Variants in ANAPC1 observed in about 807,000 individuals in gnomAD.
ANAPC1 encodes the protein anaphase-promoting complex subunit 1.
Under a neutral mutation model 208.0 loss-of-function variants are expected in ANAPC1, and 36 were observed. The ratio of observed to expected loss-of-function variants is 0.17; its 90% CI spans 0.13 to 0.23. ANAPC1 has a LOEUF of 0.23. ANAPC1 is among the 10% of genes least tolerant of loss of function. ANAPC1 has a pLI of 1.00. For synonymous variants in ANAPC1, 378 were observed against 695.2 expected (o/e 0.54, Z 7.18); for missense variants, 942 against 2,011.6 (o/e 0.47, Z 10.17).
At chr2:111,882,600 T>C (rs1440130821) in intron 1 of ANAPC1, among the ~76,000 whole-genome samples, 1 of 149,436 alleles carries the variant, frequency 6.7e-6, no homozygotes, top group Non-Finnish European at 1.5e-5. Context: ...TACTCAGGCA[T>C]GGTGTGGGCG....
At chr2:111,865,802 CA>C (rs1318711731) in intron 7 of ANAPC1, 1 of 170,698 alleles carries the variant, frequency 5.9e-6, no homozygotes, top group Non-Finnish European at 1.3e-5. Flanking sequence ...TCCAAGATGA[CA>C]AAGAAAAGAA....
At chr2:111,821,883 T>G (rs1227384642) in intron 25 of ANAPC1, 3 of 234,294 alleles carry the variant, frequency 1.3e-5, no homozygotes, top group Non-Finnish European at 2.5e-5. Flanking sequence ...TCGGGAGGGA[T>G]AGCTTAAGAC....
At chr2:111,773,702 A>G (rs1676864335) in intron 46 of ANAPC1, among the ~76,000 whole-genome samples, 1 of 151,836 alleles carries the variant, frequency 6.6e-6, no homozygotes, top group Admixed American at 6.6e-5. Flanking sequence ...GAATGAGAGG[A>G]AAAGGTTCTA....
intron 18 of ANAPC1, among the ~76,000 whole-genome samples, chr2:111,836,419 C>T (rs1026277191): frequency 1.3e-5 from 2 of 150,768 alleles, no homozygotes; most frequent in Non-Finnish European, 3.0e-5. Flanking sequence ...GGCAGGAGGA[C>T]TGCTTGAGCC....
intron 11 of ANAPC1, chr2:111,857,151 CTACATA>C (rs1681775138): frequency 2.5e-6 from 1 of 407,058 alleles, no homozygotes; most frequent in Non-Finnish European, 4.5e-6. Context: ...TTACACACAT[CTACATA>C]TGTGAAAAAA....
At chr2:111,859,459 G>A (rs6738062) in intron 10 of ANAPC1, among the ~76,000 whole-genome samples, 88,341 of 151,550 alleles carry the variant, frequency 0.58, 26,626 homozygotes, top group South Asian at 0.69. Context: ...CAACAAGAGC[G>A]AAACTCTATC....
chr2:111,835,935 A>C (rs1680442697), intron 18 of ANAPC1, among the ~76,000 whole-genome samples: 1 of 152,224 alleles, frequency 6.6e-6, no homozygotes, highest in Admixed American at 6.5e-5. Flanking sequence ...CCACATTCTA[A>C]GGGAAAATAT....
At chr2:111,878,758 T>A in intron 3 of ANAPC1, 52 bp downstream of exon 3, 1 of 1,600,514 alleles carries the variant, frequency 6.2e-7, no homozygotes, top group Non-Finnish European at 8.5e-7. Context: ...ACAAAACTTT[T>A]TTTTAATTGC....
intron 29 of ANAPC1, among the ~76,000 whole-genome samples, chr2:111,806,588 CAT>C (rs1265261291): frequency 2.2e-5 from 2 of 92,300 alleles, no homozygotes; most frequent in South Asian, 4.9e-4. Flanking sequence ...CCACACATCA[CAT>C]GTGGTGAAAC....
rs1414436565 is a variant in ANAPC1, at chr2:111,797,767, A to G, written c.4297-2873T>C. ...TGCATTTGTAACAAAAAACAGCTACAGACAATAAGTAAACAAATGGGCATG... is the reference window on the plus strand; with the variant it reads ...TGCATTTGTAACAAAAAACAGCTACGGACAATAAGTAAACAAATGGGCATG... On this transcript the variant is annotated intron_variant, in intron 34 of 47. Coordinates refer to ENST00000341068, the MANE Select transcript of ANAPC1 (RefSeq NM_022662.4). Among the ~76,000 whole-genome samples the G allele has an allele frequency of 3.0e-5, 4 of 132,438 alleles. No individual in the cohort carries two copies. The East Asian group carries it at 9.0e-4, about 30-fold the overall frequency. 86.9% of individuals were successfully genotyped at this position (132,438 alleles called of 152,430 possible).
chr2:111,794,422 T>C, intron 35 of ANAPC1, 99 bp from the exon 36 acceptor site: 6 of 784,636 alleles, frequency 7.6e-6, no homozygotes, highest in Non-Finnish European at 5.9e-6. Context: ...AGCTAGTTTA[T>C]ATCTTTCTGG....
At chr2:111,814,878 TTTGGCATGC>T (rs1484290392) in intron 28 of ANAPC1, among the ~76,000 whole-genome samples, 1 of 151,264 alleles carries the variant, frequency 6.6e-6, no homozygotes, top group African/African-American at 2.4e-5. Context: ...CTCATTCCTG[TTTGGCATGC>T]TCTCTCCTGA....
chr2:111,773,701 G>A (rs1327195569), intron 46 of ANAPC1, among the ~76,000 whole-genome samples: 2 of 151,866 alleles, frequency 1.3e-5, no homozygotes, highest in Non-Finnish European at 2.9e-5. Context: ...AGAATGAGAG[G>A]AAAAGGTTCT....
At chr2:111,836,536 T>C (rs1231349075) in intron 18 of ANAPC1, among the ~76,000 whole-genome samples, 2 of 151,268 alleles carry the variant, frequency 1.3e-5, no homozygotes, top group Non-Finnish European at 2.9e-5. Context: ...TAGTCCTAGC[T>C]ACTTGGAGGC....
At chr2:111,834,554 A>T (rs1409907395) in intron 19 of ANAPC1, 50 bp downstream of exon 19, 2 of 1,001,886 alleles carry the variant, frequency 2.0e-6, no homozygotes, top group East Asian at 2.9e-5. Context: ...TATGGAAAAG[A>T]CAGTCATCTC....
chr2:111,769,805 C>A (rs1249839411), intron 47 of ANAPC1, among the ~76,000 whole-genome samples: 1 of 146,182 alleles, frequency 6.8e-6, no homozygotes, highest in South Asian at 2.2e-4. Context: ...CTCAGCCCCC[C>A]GAGTAGCTGG....
In ANAPC1 at chr2:111,873,511, T is replaced by A. The variant is rs996397240; in HGVS notation, c.427+102A>T. ...ATGCACAATATAAAGATGCTTATGG[T>A]AAACCACTATTACTAGTGGCTACTT... On this transcript the variant is annotated intron_variant, in intron 4 of 47. Transcript: ENST00000341068. The A allele has an allele frequency of 3.4e-5, 50 of 1,482,468 alleles. No individual in the cohort carries two copies. The African/African-American group carries it at 6.5e-4, about 19-fold the overall frequency. 91.8% of individuals were successfully genotyped at this position (1,482,468 alleles called of 1,614,324 possible).
At chr2:111,847,003 C>G in intron 16 of ANAPC1, 135 bp downstream of exon 16, 1 of 682,406 alleles carries the variant, frequency 1.5e-6, no homozygotes, top group Non-Finnish European at 2.5e-6. Context: ...CACTCCCTAG[C>G]TCTTTAAAGC....
chr2:111,770,326 C>T (rs1026330422), intron 47 of ANAPC1, among the ~76,000 whole-genome samples: 1 of 126,548 alleles, frequency 7.9e-6, no homozygotes, highest in African/African-American at 3.3e-5. Flanking sequence ...ATTGAACAAC[C>T]CTGTTTGTCC....
Sources: gnomAD v4.1 joint callset for allele counts (sites outside exome capture counted in the v4.1 genomes callset) on GRCh38, gnomAD v4.1.1 for gene constraint, MANE v1.5 for transcripts, NCBI Gene and HGNC (gene_info 2026-07-23, HGNC 2026-07-21) for gene names.